SLC5A12: variants seen among roughly 807,000 people sequenced by gnomAD.
SLC5A12 encodes the protein sodium-coupled monocarboxylate transporter 2.
Under a neutral mutation model 72.7 loss-of-function variants are expected in SLC5A12, and 46 were observed. The ratio of observed to expected loss-of-function variants is 0.63; its 90% CI spans 0.50 to 0.81. SLC5A12 has a LOEUF of 0.81. Among genes scored for constraint, SLC5A12 ranks in the 30% least tolerant of loss-of-function variants. SLC5A12 has a pLI of 0.00. For synonymous variants in SLC5A12, 275 were observed against 264.4 expected (o/e 1.04, Z -0.39); for missense variants, 683 against 740.7 (o/e 0.92, Z 0.90).
chr11:26,717,321 A>G (rs1464779343), intron 1 of SLC5A12, among the ~76,000 whole-genome samples: 1 of 152,206 alleles, frequency 6.6e-6, no homozygotes, highest in African/African-American at 2.4e-5. Context: ...AAGAAATATG[A>G]GAGAACAGGT....
At chr11:26,702,123 GA>G in intron 6 of SLC5A12, among the ~76,000 whole-genome samples, 1 of 152,248 alleles carries the variant, frequency 6.6e-6, no homozygotes, top group Non-Finnish European at 1.5e-5. Context: ...AATTTTAAAT[GA>G]AATTTTCGGA....
At position 26,668,538 on chromosome 11, in the gene SLC5A12, T is replaced by G. The variant is rs1854052210; in HGVS notation, c.*2564A>C. 1 of 151,938 alleles carries G rather than the reference T, an allele frequency of 6.6e-6. No individual in the cohort carries two copies. The highest frequency in any genetic ancestry group is 2.1e-4 in the South Asian group (1 of 4,818). 9.4% of individuals were successfully genotyped at this position (151,938 alleles called of 1,614,324 possible). ...AATCCTAGTGAGGGCCTGAAAGGAG[T>G]GCTGGGACTCACTAGCTGAATCTAT... On this transcript the variant is annotated 3_prime_UTR_variant, in exon 15 of 15. Coordinates refer to ENST00000396005, the MANE Select transcript of SLC5A12 (RefSeq NM_178498.4).
In SLC5A12 at chr11:26,670,900, AAAG is replaced by A. The variant is rs1163917806; in HGVS notation, c.*199_*201del. ...TGGAGCAGGTTGGTTTTTCTCTGTGAAAGTTGGAGTCTTTCAAAGAATATCCCG... is the reference window on the plus strand; with the variant it reads ...TGGAGCAGGTTGGTTTTTCTCTGTGATTGGAGTCTTTCAAAGAATATCCCG... On this transcript the variant is annotated 3_prime_UTR_variant, in exon 15 of 15. Coordinates refer to ENST00000396005, the MANE Select transcript of SLC5A12 (RefSeq NM_178498.4). 7 of 422,964 alleles carry A rather than the reference AAAG, an allele frequency of 1.7e-5. No individual in the cohort carries two copies. Among genetic ancestry groups the A allele is most frequent in the Middle Eastern group, 6.3e-4 (1 of 1,584 alleles). 26.2% of individuals were successfully genotyped at this position (422,964 alleles called of 1,614,324 possible).
intron 6 of SLC5A12, among the ~76,000 whole-genome samples, chr11:26,699,025 GT>G: frequency 6.6e-6 from 1 of 152,228 alleles, no homozygotes; most frequent in Admixed American, 6.5e-5. Context: ...GTTAGAGTTG[GT>G]TTTTTAAAAA....
chr11:26,672,834 T>G (rs1470757110), intron 14 of SLC5A12, among the ~76,000 whole-genome samples: 10 of 152,172 alleles, frequency 6.6e-5, no homozygotes, highest in Non-Finnish European at 1.5e-5. Context: ...GAGAGTTAGG[T>G]GCATCTTGCT....
At chr11:26,720,805 G>A (rs866260242) in intron 1 of SLC5A12, among the ~76,000 whole-genome samples, 2 of 39,456 alleles carry the variant, frequency 5.1e-5, no homozygotes, top group African/African-American at 4.1e-5. Flanking sequence ...AATTCCTTTC[G>A]TTAAAATGTT....
intron 1 of SLC5A12, among the ~76,000 whole-genome samples, chr11:26,717,137 C>T (rs1395193437): frequency 6.6e-6 from 1 of 152,012 alleles, no homozygotes; most frequent in Non-Finnish European, 1.5e-5. Context: ...AACAATACCA[C>T]CACTGTTATT....
At chr11:26,671,346 T>G (rs1348867497) in intron 14 of SLC5A12, 95 bp from the exon 15 acceptor site, 1 of 1,063,868 alleles carries the variant, frequency 9.4e-7, no homozygotes, top group Non-Finnish European at 1.3e-6. Flanking sequence ...CTTCAAAAAA[T>G]TATATATATG....
In SLC5A12 at chr11:26,669,634, C is replaced by T. The variant is rs775796871; in HGVS notation, c.*1468G>A. ...CTCTGTTTTATAAACTCCAGTTTCT[C>T]TGTTTTAATTCCTCCACTGATTTGT... On this transcript the variant is annotated 3_prime_UTR_variant, in exon 15 of 15. Coordinates refer to ENST00000396005, the MANE Select transcript of SLC5A12 (RefSeq NM_178498.4). 2 of 151,920 alleles carry T rather than the reference C, an allele frequency of 1.3e-5. No individual in the cohort carries two copies. Among genetic ancestry groups the T allele is most frequent in the East Asian group, 3.9e-4 (2 of 5,170 alleles). The allele number at this position is 151,920 out of a possible 1,614,324, so 9.4% of individuals were successfully genotyped here.
chr11:26,688,444 G>T (rs1329078268), intron 9 of SLC5A12, among the ~76,000 whole-genome samples: 1 of 152,118 alleles, frequency 6.6e-6, no homozygotes, highest in African/African-American at 2.4e-5. Flanking sequence ...CAGAATCAAG[G>T]CAATTCAGCT....
rs768217459 is a variant in SLC5A12 at position 26,711,287 on chromosome 11, A to G, written c.457+20T>C. 3 of 1,606,732 alleles carry G rather than the reference A, an allele frequency of 1.9e-6. No homozygotes were observed. The highest frequency in any genetic ancestry group is 2.6e-6 in the Non-Finnish European group (3 of 1,174,128). On this transcript the variant is annotated intron_variant, in intron 3 of 14. Coordinates refer to ENST00000396005, the MANE Select transcript of SLC5A12 (RefSeq NM_178498.4). ...GGCATAAAAATGGTAAAATATGCCA[A>G]GAGAATGCTGATAACTCACCTTGAT...
At chr11:26,694,712 G>T (rs1048863908) in intron 8 of SLC5A12, among the ~76,000 whole-genome samples, 1 of 152,060 alleles carries the variant, frequency 6.6e-6, no homozygotes, top group Non-Finnish European at 1.5e-5. Context: ...CATACTAAAA[G>T]TTTTAAAAGA....
intron 9 of SLC5A12, among the ~76,000 whole-genome samples, chr11:26,686,821 TTA>T (rs1385043272): frequency 1.3e-5 from 2 of 152,296 alleles, no homozygotes; most frequent in African/African-American, 2.4e-5. Context: ...AAGAAATCTG[TTA>T]TGTGGAAACA....
intron 13 of SLC5A12, among the ~76,000 whole-genome samples, chr11:26,674,109 C>G (rs1308546280): frequency 6.6e-6 from 1 of 152,112 alleles, no homozygotes; most frequent in African/African-American, 2.4e-5. Context: ...TCAAATCCTG[C>G]TGTGGAACAA....
chr11:26,681,132 TG>T lies in SLC5A12; in HGVS notation c.1397del (p.Thr466AsnfsTer16). 6.2e-7 allele frequency: 1 copy of T among 1,611,716 alleles called. No individual in the cohort carries two copies. The highest frequency in any genetic ancestry group is 8.5e-7 in the Non-Finnish European group (1 of 1,178,912). On this transcript the variant is annotated frameshift_variant, in exon 12 of 15. Coordinates refer to ENST00000396005, the MANE Select transcript of SLC5A12 (RefSeq NM_178498.4). LOFTEE classifies it high-confidence loss of function. ...GGTCTGTTGACAGAGGCAAAGGCCA[TG>T]TCTTAGAGGCTGGTGCAGGGTAAAT... ...AFIYPAPASK[T>X]WPLPLSTDQC...
At chr11:26,673,747 A>G (rs1022826701) in intron 13 of SLC5A12, among the ~76,000 whole-genome samples, 12 of 152,200 alleles carry the variant, frequency 7.9e-5, no homozygotes, top group African/African-American at 4.8e-5. Flanking sequence ...TCATGACTGT[A>G]GAGTTAAACA....
intron 9 of SLC5A12, among the ~76,000 whole-genome samples, chr11:26,690,556 A>C (rs1436640194): frequency 6.6e-6 from 1 of 151,380 alleles, no homozygotes; most frequent in East Asian, 1.9e-4. Flanking sequence ...CACACCTGTA[A>C]TTCTAGCACT....
In SLC5A12 at chr11:26,683,760, C is replaced by T. The variant is rs1161637089; in HGVS notation, c.1305G>A (p.Trp435Ter). 4 of 1,584,466 alleles carry T rather than the reference C, an allele frequency of 2.5e-6. No homozygotes were observed. Among genetic ancestry groups the T allele is most frequent in the Non-Finnish European group, 3.4e-6 (4 of 1,164,578 alleles). ...SLGIVFPFVN[W>*]KGALGGLLTG... ...AAGAGGGCTGTGGGATCCTTACCTTCCAATTCACAAAAGGGAACACGATTC... is the reference window on the plus strand; with the variant it reads ...AAGAGGGCTGTGGGATCCTTACCTTTCAATTCACAAAAGGGAACACGATTC... The change falls in exon 11 of 15, where the codon TGG becomes TGA. Residue 435 changes from tryptophan (W) to a stop codon, truncating the protein, a stop_gained. Coordinates refer to ENST00000396005, the MANE Select transcript of SLC5A12 (RefSeq NM_178498.4). LOFTEE classifies it high-confidence loss of function.
Position 26,704,353 on chromosome 11 carries a change from G to C in SLC5A12, c.526-406C>G, listed in dbSNP as rs75733719. Among the ~76,000 whole-genome samples, 6 of 152,266 alleles carry C rather than the reference G, an allele frequency of 3.9e-5. No homozygotes were observed. In the East Asian group the frequency reaches 1.2e-3, roughly 30 times the overall value. On this transcript the variant is annotated intron_variant, in intron 4 of 14. Transcript: ENST00000396005. ...AACTACAGAGGACAAACAGAAGCGG[G>C]AACCAGCATGTGTGAAGAAGCACAA... is the stretch of plus-strand genomic sequence containing the variant.
Sources: allele counts gnomAD v4.1 joint callset (sites outside exome capture counted in the v4.1 genomes callset), GRCh38; gene constraint gnomAD v4.1.1; transcripts MANE v1.5; gene names NCBI Gene and HGNC (gene_info 2026-07-23, HGNC 2026-07-21).